Variants in EML6 observed in about 807,000 individuals in gnomAD.
The protein encoded by EML6 is EMAP like 6, also known as echinoderm microtubule-associated protein-like 6.
A neutral mutation model predicts 240.1 loss-of-function variants in EML6; 154 were observed. The observed-to-expected ratio is 0.64, with a 90% CI of 0.56 to 0.73. EML6 has a LOEUF of 0.73. Ranked by LOEUF, EML6 falls within the 30% of genes least tolerant of loss-of-function variation. The pLI, the probability that EML6 is intolerant of heterozygous loss-of-function variation, is 0.00. For synonymous variants in EML6, 1,148 were observed against 899.0 expected, an observed-to-expected ratio of 1.28 and a Z score of -4.95; for missense variants, 2,964 against 2,474.6, an observed-to-expected ratio of 1.20 and a Z score of -4.20.
chr2:54,743,201 G>A (rs922077455), intron 2 of EML6, among the ~76,000 whole-genome samples: 2 of 152,190 alleles, frequency 1.3e-5, no homozygotes, highest in African/African-American at 2.4e-5. Context: ...CAGTCACGTC[G>A]CAGGGTGCAC....
intron 2 of EML6, among the ~76,000 whole-genome samples, chr2:54,812,886 G>T (rs1667918708): frequency 2.0e-5 from 3 of 152,106 alleles, no homozygotes; most frequent in African/African-American, 7.2e-5. Context: ...AAGCTAACTT[G>T]AAAACAAGTA....
intron 28 of EML6, among the ~76,000 whole-genome samples, chr2:54,944,431 A>G (rs1201163529): frequency 1.3e-5 from 2 of 152,102 alleles, no homozygotes; most frequent in Non-Finnish European, 2.9e-5. Flanking sequence ...ACCTTTCTTT[A>G]AATATTCACC....
chr2:54,780,435 T>TA (rs1379248492), intron 2 of EML6, among the ~76,000 whole-genome samples: 1 of 152,218 alleles, frequency 6.6e-6, no homozygotes, highest in Non-Finnish European at 1.5e-5. Flanking sequence ...TTTGACCTGA[T>TA]ACAGAGATCT....
At chr2:54,823,878 T>TCTCTCTCTCTCTCTCTCTC (rs60937620) in intron 5 of EML6, among the ~76,000 whole-genome samples, 4,850 of 129,004 alleles carry the variant, frequency 0.038, 498 homozygotes, top group Non-Finnish European at 0.046. Context: ...CTCTCTCTCT[T>TCTCTCTCTCTCTCTCTCTC]TCTGTCTCTC....
chr2:54,795,680 C>T (rs1056763254), intron 2 of EML6, among the ~76,000 whole-genome samples: 28 of 152,168 alleles, frequency 1.8e-4, no homozygotes, highest in African/African-American at 1.7e-4. Context: ...ACATGCACTG[C>T]GCTGCCCCGA....
At chr2:54,791,707 C>T (rs922064717) in intron 2 of EML6, among the ~76,000 whole-genome samples, 3 of 152,052 alleles carry the variant, frequency 2.0e-5, no homozygotes, top group African/African-American at 7.2e-5. Context: ...GCCAAGAGAA[C>T]TGAAGATTGA....
At chr2:54,878,165 T>C (rs764580022) in intron 16 of EML6, among the ~76,000 whole-genome samples, 8 of 152,236 alleles carry the variant, frequency 5.3e-5, no homozygotes, top group Non-Finnish European at 1.0e-4. Flanking sequence ...ACTGCTTACC[T>C]GAAATGCCAG....
At chr2:54,853,090 T>G (rs986757848) in intron 10 of EML6, among the ~76,000 whole-genome samples, 1 of 152,246 alleles carries the variant, frequency 6.6e-6, no homozygotes, top group Non-Finnish European at 1.5e-5. Context: ...TTCATTAATC[T>G]ACTGAGCCTG....
intron 2 of EML6, among the ~76,000 whole-genome samples, chr2:54,764,566 A>G (rs1668106275): frequency 6.6e-6 from 1 of 152,224 alleles, no homozygotes; most frequent in South Asian, 2.1e-4. Context: ...ATTAATGCTT[A>G]GTAATTCAGT....
At chr2:54,826,975 C>T (rs1253382595) in intron 5 of EML6, among the ~76,000 whole-genome samples, 1 of 152,124 alleles carries the variant, frequency 6.6e-6, no homozygotes, top group Non-Finnish European at 1.5e-5. Flanking sequence ...GAGTTCGAGA[C>T]CAGCCTGGCC....
chr2:54,760,057 A>G (rs1667912305), intron 2 of EML6, among the ~76,000 whole-genome samples: 1 of 151,958 alleles, frequency 6.6e-6, no homozygotes, highest in African/African-American at 2.4e-5. Flanking sequence ...TAGTAATTTA[A>G]ATAGCCTAAC....
Position 54,959,084 on chromosome 2 carries a change from A to T in EML6, c.4696-20A>T. On this transcript the variant is annotated intron_variant, in intron 33 of 41. Transcript: ENST00000356458. ...CGCTTGAGTGTGTTCCGGGTGTAGA[A>T]GATGTTGTTTTGTTTACAGAACAAT... 6.5e-7 allele frequency: 1 copy of T among 1,544,280 alleles called. No individual in the cohort carries two copies. The highest frequency in any genetic ancestry group is 2.5e-5 in the East Asian group (1 of 40,766).
rs561460778 is a variant in EML6, at chr2:54,925,144, G to A, written c.3676-3169G>A. 2.6e-5 allele frequency among the ~76,000 whole-genome samples: 4 copies of A among 152,170 alleles called. 1 individual carries two copies. In the South Asian group the frequency reaches 8.3e-4, roughly 32 times the overall value. ...GAGGGGCCCTAATCTGATAGAATCAGTGTCCTTATAGAAGAGATGCCAGAG... is the reference window on the plus strand; with the variant it reads ...GAGGGGCCCTAATCTGATAGAATCAATGTCCTTATAGAAGAGATGCCAGAG... On this transcript the variant is annotated intron_variant, in intron 26 of 41. Coordinates refer to ENST00000356458, the MANE Select transcript of EML6 (RefSeq NM_001039753.4).
intron 2 of EML6, among the ~76,000 whole-genome samples, chr2:54,739,061 G>A (rs1437874154): frequency 2.0e-5 from 3 of 152,234 alleles, no homozygotes; most frequent in African/African-American, 4.8e-5. Context: ...TGGTTGTGTC[G>A]ATTTATACTT....
chr2:54,961,424 T>G lies in EML6; in HGVS notation c.4968+1090T>G, dbSNP rs921627764. Among the ~76,000 whole-genome samples, 9 of 151,312 alleles carry G rather than the reference T, an allele frequency of 5.9e-5. 1 individual carries two copies. Among genetic ancestry groups the G allele is most frequent in the Admixed American group, 2.0e-4 (3 of 15,164 alleles). ...TGTTCTCAAAACTCCTGACCTCAGG[T>G]GATCCACCCACCACGGCCTCCCAAA... On this transcript the variant is annotated intron_variant, in intron 35 of 41. Transcript: ENST00000356458.
At chr2:54,933,746 A>G (rs1258575710) in intron 28 of EML6, among the ~76,000 whole-genome samples, 2 of 152,112 alleles carry the variant, frequency 1.3e-5, no homozygotes, top group Non-Finnish European at 2.9e-5. Context: ...AGAAAGAAAA[A>G]AAAACCCACT....
intron 29 of EML6, among the ~76,000 whole-genome samples, chr2:54,949,185 C>G (rs1675842961): frequency 6.6e-6 from 1 of 152,140 alleles, no homozygotes; most frequent in African/African-American, 2.4e-5. Flanking sequence ...GTCACCAGGT[C>G]CTTTCAGTAC....
At chr2:54,938,416 C>T (rs186773434) in intron 28 of EML6, among the ~76,000 whole-genome samples, 1 of 152,306 alleles carries the variant, frequency 6.6e-6, no homozygotes, top group African/African-American at 2.4e-5. Context: ...GTTAGGGCTT[C>T]CCAAGTCCCT....
intron 17 of EML6, chr2:54,881,318 G>C (rs116193584): frequency 6.6e-6 from 1 of 152,018 alleles, no homozygotes; most frequent in Non-Finnish European, 1.5e-5. Context: ...AATAAATAAA[G>C]CTTATATGTA....
Sources: gnomAD v4.1 joint callset for allele counts (sites outside exome capture counted in the v4.1 genomes callset) on GRCh38, gnomAD v4.1.1 for gene constraint, MANE v1.5 for transcripts, NCBI Gene and HGNC (gene_info 2026-07-23, HGNC 2026-07-21) for gene names.